The following ASIC2 variants were observed in gnomAD, a reference collection of about 807,000 sequenced individuals.
The protein encoded by ASIC2 is acid sensing ion channel subunit 2.
A neutral mutation model predicts 57.3 loss-of-function variants in ASIC2; 25 were observed. That is an observed-to-expected ratio of 0.44 (90% CI 0.32 to 0.61). The LOEUF is 0.61. Among genes scored for constraint, ASIC2 ranks in the 20% least tolerant of loss-of-function variants. The pLI, the probability that ASIC2 is intolerant of heterozygous loss-of-function variation, is 0.06. For missense variants in ASIC2, 641 were observed against 738.1 expected (o/e 0.87, Z 1.52); for synonymous variants, 319 against 307.5 (o/e 1.04, Z -0.39).
At chr17:33,523,699 T>C (rs1477886212) in intron 1 of ASIC2, among the ~76,000 whole-genome samples, 1 of 152,184 alleles carries the variant, frequency 6.6e-6, no homozygotes, top group African/African-American at 2.4e-5. Context: ...TTTCCCGTTG[T>C]TATAAATAAT....
At chr17:34,054,230 C>A (rs765160720) in intron 1 of ASIC2, among the ~76,000 whole-genome samples, 1 of 152,184 alleles carries the variant, frequency 6.6e-6, no homozygotes. Context: ...TCATTACATG[C>A]GTCCCTTTCC....
At chr17:33,446,657 A>C (rs1047050521) in intron 1 of ASIC2, among the ~76,000 whole-genome samples, 1 of 152,128 alleles carries the variant, frequency 6.6e-6, no homozygotes, top group South Asian at 2.1e-4. Context: ...CCATCCTGTT[A>C]TTGACTATAG....
chr17:33,947,084 A>C (rs1904399264), intron 1 of ASIC2, among the ~76,000 whole-genome samples: 2 of 152,360 alleles, frequency 1.3e-5, no homozygotes, highest in South Asian at 4.1e-4. Context: ...AGAGGACATG[A>C]AATCTGATGT....
At chr17:34,105,311 T>A (rs193169555) in intron 1 of ASIC2, among the ~76,000 whole-genome samples, 48 of 152,068 alleles carry the variant, frequency 3.2e-4, no homozygotes, top group African/African-American at 1.1e-3. Context: ...TCTTAATTCA[T>A]GTTATTATAC....
intron 1 of ASIC2, among the ~76,000 whole-genome samples, chr17:33,385,705 C>G (rs751378211): frequency 6.6e-6 from 1 of 152,192 alleles, no homozygotes; most frequent in African/African-American, 2.4e-5. Flanking sequence ...TGGCAGGAAG[C>G]TTTGCCTGGT....
At chr17:33,498,206 G>A (rs1176123705) in intron 1 of ASIC2, among the ~76,000 whole-genome samples, 3 of 152,232 alleles carry the variant, frequency 2.0e-5, no homozygotes, top group South Asian at 2.1e-4. Flanking sequence ...CATGTGATCC[G>A]GGGTCCCTGC....
At chr17:33,184,895 T>C (rs968117317) in intron 1 of ASIC2, among the ~76,000 whole-genome samples, 1 of 152,212 alleles carries the variant, frequency 6.6e-6, no homozygotes, top group African/African-American at 2.4e-5. Context: ...ATCAGCTTAA[T>C]ACAAGCAAAT....
intron 1 of ASIC2, among the ~76,000 whole-genome samples, chr17:33,767,118 A>G (rs1009966620): frequency 6.6e-6 from 1 of 152,168 alleles, no homozygotes; most frequent in Non-Finnish European, 1.5e-5. Context: ...CTGACCTTGG[A>G]TTTGAGGCTC....
At chr17:33,049,743 A>G (rs2091968067) in intron 3 of ASIC2, among the ~76,000 whole-genome samples, 1 of 152,204 alleles carries the variant, frequency 6.6e-6, no homozygotes. Context: ...TTACAGGGTT[A>G]CAGGGAGTTT....
chr17:34,113,165 C>A (rs1013429915), intron 1 of ASIC2, among the ~76,000 whole-genome samples: 1 of 152,150 alleles, frequency 6.6e-6, no homozygotes, highest in Non-Finnish European at 1.5e-5. Context: ...AGACTGCAAC[C>A]CCAAGGAGAG....
At chr17:33,783,055 C>T (rs1339927332) in intron 1 of ASIC2, among the ~76,000 whole-genome samples, 2 of 152,212 alleles carry the variant, frequency 1.3e-5, no homozygotes, top group African/African-American at 4.8e-5. Flanking sequence ...GTCCCCTCAG[C>T]AGATTCCTAA....
At chr17:33,193,131 AGGT>A (rs769530161) in intron 1 of ASIC2, among the ~76,000 whole-genome samples, 2 of 152,194 alleles carry the variant, frequency 1.3e-5, no homozygotes, top group Non-Finnish European at 2.9e-5. Flanking sequence ...CTAATGACAA[AGGT>A]GTTTTATCTG....
Position 33,839,580 on chromosome 17 carries a change from G to A in ASIC2, c.555+316398C>T, listed in dbSNP as rs139199228. On this transcript the variant is annotated intron_variant, in intron 1 of 9. Transcript: ENST00000359872. ...ATTGCTCGCTCTAGGGTGACCAATTGTCCCCATTTTCCTAAGTCTGTTTCC... is the reference window on the plus strand; with the variant it reads ...ATTGCTCGCTCTAGGGTGACCAATTATCCCCATTTTCCTAAGTCTGTTTCC... Among the ~76,000 whole-genome samples the A allele has an allele frequency of 4.6e-5, 7 of 152,266 alleles. No individual in the cohort carries two copies. In the East Asian group the frequency reaches 1.3e-3, roughly 29 times the overall value.
intron 1 of ASIC2, among the ~76,000 whole-genome samples, chr17:33,517,096 T>G (rs1307969213): frequency 6.6e-6 from 1 of 152,210 alleles, no homozygotes; most frequent in Non-Finnish European, 1.5e-5. Flanking sequence ...ACCTCTATCT[T>G]AGTTATACCT....
At chr17:33,513,127 G>C (rs1914475268) in intron 1 of ASIC2, among the ~76,000 whole-genome samples, 1 of 152,246 alleles carries the variant, frequency 6.6e-6, no homozygotes, top group Non-Finnish European at 1.5e-5. Flanking sequence ...GAGGGTGCTG[G>C]CATGGCAGGA....
At chr17:33,455,704 A>C (rs900192500) in intron 1 of ASIC2, among the ~76,000 whole-genome samples, 4 of 152,238 alleles carry the variant, frequency 2.6e-5, no homozygotes, top group African/African-American at 9.6e-5. Context: ...CATCAATTTC[A>C]GAACTATCCC....
chr17:33,667,391 T>C (rs1290086891), intron 1 of ASIC2, among the ~76,000 whole-genome samples: 1 of 152,218 alleles, frequency 6.6e-6, no homozygotes, highest in African/African-American at 2.4e-5. Flanking sequence ...ACAACGGAAG[T>C]GCATAGAACA....
intron 1 of ASIC2, among the ~76,000 whole-genome samples, chr17:33,986,537 C>T (rs1255409929): frequency 2.0e-5 from 3 of 152,036 alleles, no homozygotes; most frequent in Non-Finnish European, 4.4e-5. Flanking sequence ...CTGACAATCC[C>T]AAAGTGATGA....
intron 1 of ASIC2, among the ~76,000 whole-genome samples, chr17:33,614,314 C>T (rs780545133): frequency 6.6e-6 from 1 of 152,154 alleles, no homozygotes; most frequent in African/African-American, 2.4e-5. Flanking sequence ...AGCTGTACCC[C>T]GTCAGACTAC....
Sources: allele counts gnomAD v4.1 joint callset (sites outside exome capture counted in the v4.1 genomes callset), GRCh38; gene constraint gnomAD v4.1.1; transcripts MANE v1.5; gene names NCBI Gene and HGNC (gene_info 2026-07-23, HGNC 2026-07-21).